S100Z: variants seen among roughly 807,000 people sequenced by gnomAD.
S100Z encodes the protein protein S100-Z.
S100Z carries 11 observed loss-of-function variants against 8.5 expected under a neutral mutation model. The ratio of observed to expected loss-of-function variants is 1.30; its 90% CI spans 0.82 to 2.15. The LOEUF (loss-of-function observed/expected upper bound fraction) is 2.15, where lower values mean the gene tolerates loss of function less well. Among genes scored for constraint, S100Z ranks in the 30% most tolerant of loss-of-function variants. The probability of loss-of-function intolerance (pLI) is 0.00; values close to 1 mark genes in which losing one functional copy is unlikely to be tolerated. For synonymous variants in S100Z, 34 were observed against 43.8 expected, an observed-to-expected ratio of 0.78 and a Z score of 0.89; for missense variants, 126 against 117.9, an observed-to-expected ratio of 1.07 and a Z score of -0.32.
intron 4 of S100Z, among the ~76,000 whole-genome samples, chr5:76,912,371 G>T (rs1467635797): frequency 6.6e-6 from 1 of 152,144 alleles, no homozygotes; most frequent in Admixed American, 6.6e-5. Flanking sequence ...TCTCTTAGAA[G>T]TCCCCTTAGC....
At chr5:76,864,397 T>A (rs1242999517) in intron 1 of S100Z, among the ~76,000 whole-genome samples, 42 of 109,412 alleles carry the variant, frequency 3.8e-4, no homozygotes, top group African/African-American at 1.9e-3. Flanking sequence ...TTTTTTTTTT[T>A]TTTTTTTTTT....
chr5:76,861,844 G>A (rs561277280), intron 1 of S100Z, among the ~76,000 whole-genome samples: 4 of 152,224 alleles, frequency 2.6e-5, no homozygotes, highest in South Asian at 4.1e-4. Flanking sequence ...TATAAATAAC[G>A]CATTTTCACT....
the S100Z span, among the ~76,000 whole-genome samples, chr5:76,932,384 C>G: frequency 6.6e-6 from 1 of 152,174 alleles, no homozygotes; most frequent in Non-Finnish European, 1.5e-5. Context: ...CAGGGTCTCT[C>G]ACTCTGTTGC....
chr5:76,896,157 A>G (rs1744030296), intron 4 of S100Z, among the ~76,000 whole-genome samples: 1 of 151,934 alleles, frequency 6.6e-6, no homozygotes, highest in Non-Finnish European at 1.5e-5. Context: ...TGTACCCATT[A>G]ATCATCCCCA....
the S100Z span, among the ~76,000 whole-genome samples, chr5:76,950,444 G>T: frequency 1.3e-5 from 2 of 152,164 alleles, no homozygotes; most frequent in Admixed American, 6.5e-5. Flanking sequence ...ATATGGATCT[G>T]CTATTGTGTG....
intron 4 of S100Z, among the ~76,000 whole-genome samples, chr5:76,914,765 T>C (rs1393272198): frequency 2.6e-5 from 4 of 151,564 alleles, no homozygotes; most frequent in Non-Finnish European, 5.9e-5. Context: ...ACAAACCCAC[T>C]GGAAGGAACA....
intron 4 of S100Z, among the ~76,000 whole-genome samples, chr5:76,901,969 T>G (rs1744245272): frequency 6.6e-6 from 1 of 152,034 alleles, no homozygotes; most frequent in Non-Finnish European, 1.5e-5. Context: ...AGGCAGCAGG[T>G]TCCCTCCTGG....
At chr5:76,862,773 G>T (rs2150625941) in intron 1 of S100Z, among the ~76,000 whole-genome samples, 1 of 152,234 alleles carries the variant, frequency 6.6e-6, no homozygotes, top group East Asian at 1.9e-4. Flanking sequence ...CTCCACTCCA[G>T]CCTGGGCGAC....
chr5:76,871,891 A>G (rs1230013963), intron 2 of S100Z, among the ~76,000 whole-genome samples: 1 of 152,162 alleles, frequency 6.6e-6, no homozygotes, highest in Non-Finnish European at 1.5e-5. Flanking sequence ...AGCCAAACCA[A>G]TGTACACCTT....
chr5:76,872,672 A>T (rs1351962083), intron 2 of S100Z, among the ~76,000 whole-genome samples: 1 of 149,852 alleles, frequency 6.7e-6, no homozygotes, highest in African/African-American at 2.5e-5. Context: ...AAAAATAAAT[A>T]AAATAAGGCT....
the S100Z span, among the ~76,000 whole-genome samples, chr5:76,933,797 A>G: frequency 6.6e-6 from 1 of 152,326 alleles, no homozygotes; most frequent in East Asian, 1.9e-4. Context: ...AAGTATATTC[A>G]CAATGCTGTG....
At chr5:76,928,568 C>T in the S100Z span, among the ~76,000 whole-genome samples, 1 of 152,142 alleles carries the variant, frequency 6.6e-6, no homozygotes, top group Non-Finnish European at 1.5e-5. Flanking sequence ...ATATCAAAGC[C>T]ACACAGATTC....
At chr5:76,903,731 G>GA (rs530194775) in intron 4 of S100Z, among the ~76,000 whole-genome samples, 1 of 142,220 alleles carries the variant, frequency 7.0e-6, no homozygotes, top group Non-Finnish European at 1.6e-5. Context: ...TTTTTTTGTT[G>GA]TTTTTTTTTT....
the S100Z span, among the ~76,000 whole-genome samples, chr5:76,936,993 C>T: frequency 0.39 from 58,965 of 151,496 alleles, 13,382 homozygotes; most frequent in South Asian, 0.65. Context: ...GGACACTAGA[C>T]ACAGTTGGAA....
chr5:76,910,792 G>A (rs765721233), intron 4 of S100Z, among the ~76,000 whole-genome samples: 10 of 152,244 alleles, frequency 6.6e-5, no homozygotes, highest in South Asian at 2.1e-4. Context: ...ACACTGGCGC[G>A]GCCTTCTCAG....
chr5:76,854,874 T>C (rs928340341), intron 1 of S100Z, among the ~76,000 whole-genome samples: 2 of 152,266 alleles, frequency 1.3e-5, no homozygotes, highest in African/African-American at 4.8e-5. Context: ...AATGGTTTCA[T>C]GGGCCAGGCC....
chr5:76,852,762 G>A (rs1442996587), intron 1 of S100Z, among the ~76,000 whole-genome samples: 9 of 152,070 alleles, frequency 5.9e-5, no homozygotes, highest in Admixed American at 5.2e-4. Context: ...AACATGACCC[G>A]GCTGTAGGTA....
intron 1 of S100Z, among the ~76,000 whole-genome samples, chr5:76,866,940 A>T (rs1031814468): frequency 2.0e-5 from 3 of 151,904 alleles, no homozygotes; most frequent in African/African-American, 2.4e-5. Flanking sequence ...TTTTCCTGAA[A>T]TTTTTTTTGC....
chr5:76,880,072 G>A (rs538926247), intron 4 of S100Z, among the ~76,000 whole-genome samples: 1 of 152,322 alleles, frequency 6.6e-6, no homozygotes, highest in East Asian at 1.9e-4. Flanking sequence ...TAGGAGCAAT[G>A]TTTTGCGGGC....
Sources: gnomAD v4.1 joint callset for allele counts (sites outside exome capture counted in the v4.1 genomes callset) on GRCh38, gnomAD v4.1.1 for gene constraint, MANE v1.5 for transcripts, NCBI Gene and HGNC (gene_info 2026-07-23, HGNC 2026-07-21) for gene names.